WWOX: variants seen among roughly 807,000 people sequenced by gnomAD.
WWOX encodes WW domain-containing oxidoreductase.
Under a neutral mutation model 46.2 loss-of-function variants are expected in WWOX, and 69 were observed. That is an observed-to-expected ratio of 1.49 (90% CI 1.23 to 1.82). The LOEUF (loss-of-function observed/expected upper bound fraction) is 1.82. Ranked by LOEUF, WWOX falls within the 40% of genes most tolerant of loss-of-function variation. WWOX has a pLI of 0.00. For missense variants in WWOX, 919 were observed against 542.6 expected (o/e 1.69, Z -6.89); for synonymous variants, 359 against 202.6 (o/e 1.77, Z -6.56).
intron 5 of WWOX, among the ~76,000 whole-genome samples, chr16:78,313,335 T>C (rs939475119): frequency 2.0e-4 from 30 of 152,206 alleles, no homozygotes; most frequent in African/African-American, 7.0e-4. Flanking sequence ...TGCTGGCTTA[T>C]AGCAAGTGTT....
At chr16:78,736,590 G>C (rs2142401904) in intron 8 of WWOX, among the ~76,000 whole-genome samples, 1 of 151,770 alleles carries the variant, frequency 6.6e-6, no homozygotes, top group Non-Finnish European at 1.5e-5. Flanking sequence ...GTTTTGTTTT[G>C]TTGTTTTATT....
chr16:78,757,090 C>A (rs1231989273), intron 8 of WWOX: 1 of 697,262 alleles, frequency 1.4e-6, no homozygotes, highest in Non-Finnish European at 2.6e-6. Context: ...TTGCTGCAAT[C>A]TTGACTGGAA....
intron 8 of WWOX, among the ~76,000 whole-genome samples, chr16:78,827,388 G>A (rs563092352): frequency 2.0e-5 from 3 of 152,064 alleles, no homozygotes; most frequent in Middle Eastern, 3.2e-3. Flanking sequence ...AACTCACAGA[G>A]GAAGTGGAGC....
At chr16:78,280,621 G>T (rs1397729031) in intron 5 of WWOX, among the ~76,000 whole-genome samples, 1 of 151,104 alleles carries the variant, frequency 6.6e-6, no homozygotes, top group Non-Finnish European at 1.5e-5. Flanking sequence ...AGAGAGAGCA[G>T]CAGGTGACAT....
chr16:79,058,556 T>C (rs1478705168), intron 8 of WWOX, among the ~76,000 whole-genome samples: 3 of 152,110 alleles, frequency 2.0e-5, no homozygotes, highest in African/African-American at 4.8e-5. Context: ...ATATAGGGAA[T>C]TGAAAAGACA....
intron 4 of WWOX, among the ~76,000 whole-genome samples, chr16:78,142,369 A>G (rs946484614): frequency 7.2e-5 from 11 of 152,184 alleles, no homozygotes; most frequent in Admixed American, 5.2e-4. Flanking sequence ...AGCCACAGGA[A>G]CTCCTCAGCC....
At chr16:79,182,437 G>A (rs1218258929) in intron 8 of WWOX, among the ~76,000 whole-genome samples, 7 of 152,004 alleles carry the variant, frequency 4.6e-5, no homozygotes, top group Admixed American at 4.6e-4. Context: ...ATCTAAATAT[G>A]TGCCATCTTT....
At chr16:78,437,383 G>A (rs28673949) in intron 8 of WWOX, among the ~76,000 whole-genome samples, 11,368 of 152,224 alleles carry the variant, frequency 0.075, 636 homozygotes, top group East Asian at 0.23. Flanking sequence ...TATTAAATGT[G>A]ATCTGTCTTT....
At chr16:78,961,551 G>C (rs573303302) in intron 8 of WWOX, among the ~76,000 whole-genome samples, 1 of 152,074 alleles carries the variant, frequency 6.6e-6, no homozygotes, top group Non-Finnish European at 1.5e-5. Flanking sequence ...TGGATGTATG[G>C]ATGGGTGGGT....
intron 8 of WWOX, among the ~76,000 whole-genome samples, chr16:78,902,446 G>C (rs1876975): frequency 0.012 from 1,826 of 152,350 alleles, 20 homozygotes; most frequent in African/African-American, 0.042. Context: ...GGGCGGGAGA[G>C]GCAAGGCTAA....
chr16:78,601,569 C>T (rs560251005), intron 8 of WWOX, among the ~76,000 whole-genome samples: 9 of 152,110 alleles, frequency 5.9e-5, no homozygotes, highest in East Asian at 1.9e-4. Flanking sequence ...AAGCACTTTC[C>T]GTTAAAGGGG....
intron 8 of WWOX, among the ~76,000 whole-genome samples, chr16:79,163,469 T>A (rs1365767922): frequency 1.3e-5 from 2 of 152,156 alleles, no homozygotes; most frequent in African/African-American, 2.4e-5. Flanking sequence ...GGACAGTGCC[T>A]TGCACACAGT....
chr16:78,875,419 G>C (rs987037118), intron 8 of WWOX, among the ~76,000 whole-genome samples: 31 of 152,102 alleles, frequency 2.0e-4, no homozygotes, highest in African/African-American at 6.8e-4. Flanking sequence ...TAATTCTCGA[G>C]TGTCTGATCT....
chr16:78,728,314 C>T (rs1390462488), intron 8 of WWOX, among the ~76,000 whole-genome samples: 1 of 152,062 alleles, frequency 6.6e-6, no homozygotes, highest in African/African-American at 2.4e-5. Flanking sequence ...AAGCGATTCT[C>T]CCGCCTTGGC....
intron 8 of WWOX, among the ~76,000 whole-genome samples, chr16:79,068,242 C>T (rs1055363557): frequency 2.0e-5 from 3 of 152,114 alleles, no homozygotes; most frequent in African/African-American, 7.2e-5. Context: ...TTATGAACTG[C>T]CTAAGAATGC....
rs562527515 is a variant in WWOX at position 78,866,854 on chromosome 16, G to A, written c.1057-344754G>A. Among the ~76,000 whole-genome samples, 13 of 152,320 alleles carry A rather than the reference G, an allele frequency of 8.5e-5. No homozygotes were observed. In the East Asian group the frequency reaches 2.1e-3, roughly 25 times the overall value. On this transcript the variant is annotated intron_variant, in intron 8 of 8. Transcript: ENST00000566780. ...AGTTTTTCTTAAAATAGTAGGGTCA[G>A]TAGGTGACCACACTCAGAAGCCAAG...
At chr16:78,761,649 G>A (rs531801028) in intron 8 of WWOX, among the ~76,000 whole-genome samples, 1 of 152,140 alleles carries the variant, frequency 6.6e-6, no homozygotes, top group South Asian at 2.1e-4. Flanking sequence ...TGTGACATCT[G>A]GGCCACCCGG....
At chr16:78,864,224 G>T (rs1389803114) in intron 8 of WWOX, among the ~76,000 whole-genome samples, 1 of 151,882 alleles carries the variant, frequency 6.6e-6, no homozygotes, top group Non-Finnish European at 1.5e-5. Flanking sequence ...TTTTGATGTT[G>T]GATATCTGAA....
At chr16:79,123,280 T>A (rs189756779) in intron 8 of WWOX, among the ~76,000 whole-genome samples, 1 of 152,058 alleles carries the variant, frequency 6.6e-6, no homozygotes, top group Non-Finnish European at 1.5e-5. Flanking sequence ...AGCATAAGGA[T>A]CTAAGTTTAG....
Sources: gnomAD v4.1 joint callset for allele counts (sites outside exome capture counted in the v4.1 genomes callset) on GRCh38, gnomAD v4.1.1 for gene constraint, MANE v1.5 for transcripts, NCBI Gene and HGNC (gene_info 2026-07-23, HGNC 2026-07-21) for gene names.